The following PARP4 variants were observed in gnomAD, a reference collection of about 807,000 sequenced individuals.
PARP4 encodes the protein poly(ADP-ribose) polymerase family member 4.
Under a neutral mutation model 187.7 loss-of-function variants are expected in PARP4, and 120 were observed. The observed-to-expected ratio is 0.64, with a 90% CI of 0.55 to 0.74. The LOEUF is 0.74. Ranked by LOEUF, PARP4 falls within the 30% of genes least tolerant of loss-of-function variation. The probability of loss-of-function intolerance (pLI) is 0.00; values close to 1 mark genes in which losing one functional copy is unlikely to be tolerated. For missense variants in PARP4, 1,836 were observed against 2,070.5 expected (o/e 0.89, Z 2.20); for synonymous variants, 654 against 740.9 (o/e 0.88, Z 1.90).
At chr13:24,477,551 T>C (rs1873047646) in intron 14 of PARP4, 150 bp downstream of exon 14, 2 of 543,758 alleles carry the variant, frequency 3.7e-6, no homozygotes, top group Admixed American at 7.9e-5. Flanking sequence ...GAGAAATTTG[T>C]GGGAAACAAT....
intron 1 of PARP4, among the ~76,000 whole-genome samples, chr13:24,506,981 A>C (rs1869735112): frequency 6.6e-6 from 1 of 152,188 alleles, no homozygotes; most frequent in South Asian, 2.1e-4. Flanking sequence ...TCCACGAGAA[A>C]TCTAGCACAG....
At chr13:24,451,769 C>T (rs1028790681) in intron 24 of PARP4, among the ~76,000 whole-genome samples, 1 of 152,226 alleles carries the variant, frequency 6.6e-6, no homozygotes, top group Non-Finnish European at 1.5e-5. Flanking sequence ...GTTTTCCTTA[C>T]ACATACACCG....
rs564884701 is a variant in PARP4 at position 24,423,446 on chromosome 13, G to A, written c.4980-2132C>T. Among the ~76,000 whole-genome samples the A allele has an allele frequency of 3.1e-4, 47 of 152,008 alleles. 2 individuals are homozygous for A. In the South Asian group the frequency reaches 9.8e-3, roughly 32 times the overall value. On this transcript the variant is annotated intron_variant, in intron 33 of 33. Coordinates refer to ENST00000381989, the MANE Select transcript of PARP4 (RefSeq NM_006437.4). Reference sequence around the variant, plus strand: ...CTCAGGAGGCTGAGGCACGAGAATTGCTTGAAACTGGGAGGTGGAGGTTGC... The same window carrying A: ...CTCAGGAGGCTGAGGCACGAGAATTACTTGAAACTGGGAGGTGGAGGTTGC...
chr13:24,459,239 C>T, intron 19 of PARP4, 25 bp downstream of exon 19: 1 of 1,589,256 alleles, frequency 6.3e-7, no homozygotes, highest in Non-Finnish European at 8.6e-7. Flanking sequence ...ATTGAATTGA[C>T]AGGTTTTATA....
intron 5 of PARP4, among the ~76,000 whole-genome samples, chr13:24,498,610 T>C (rs1422941203): frequency 2.0e-5 from 3 of 152,164 alleles, no homozygotes; most frequent in African/African-American, 7.2e-5. Context: ...ATATATATTT[T>C]AGAGACAGGT....
intron 9 of PARP4, among the ~76,000 whole-genome samples, chr13:24,491,908 C>T (rs1237878846): frequency 6.6e-6 from 1 of 152,206 alleles, no homozygotes; most frequent in Non-Finnish European, 1.5e-5. Context: ...GATGGGATGC[C>T]ATGAACTACT....
intron 17 of PARP4, among the ~76,000 whole-genome samples, chr13:24,464,915 C>A (rs2137491002): frequency 6.6e-6 from 1 of 151,828 alleles, no homozygotes; most frequent in East Asian, 1.9e-4. Flanking sequence ...GTCTAATATC[C>A]AGAATCTACA....
intron 30 of PARP4, among the ~76,000 whole-genome samples, chr13:24,441,375 T>C (rs1870916960): frequency 6.6e-6 from 1 of 152,108 alleles, no homozygotes; most frequent in Non-Finnish European, 1.5e-5. Context: ...GTCAGCACTG[T>C]GTTGTTCCTT....
chr13:24,452,123 C>A (rs537949101), intron 24 of PARP4: 8 of 326,252 alleles, frequency 2.5e-5, no homozygotes, highest in Admixed American at 1.9e-4. Flanking sequence ...TGTATGAGCT[C>A]ATTTATTCCT....
Position 24,452,453 on chromosome 13 carries a change from G to C in PARP4, c.2967C>G (p.Leu989=), listed in dbSNP as rs140281241. 36 of 1,614,004 alleles carry C rather than the reference G, an allele frequency of 2.2e-5. No individual in the cohort carries two copies. The East Asian group carries it at 2.5e-4, about 11-fold the overall frequency. Residue 989 remains leucine, a synonymous_variant, in exon 24 of 34, where the codon CTC becomes CTG. Transcript: ENST00000381989. ...HLQDESLTLQ[L]VKRSRPHTRL... ...TGGTGTGCGGGCGGCTCCTCTTCACGAGCTGTAATGTCAGGCTCTCATCCT... is the reference window on the plus strand; with the variant it reads ...TGGTGTGCGGGCGGCTCCTCTTCACCAGCTGTAATGTCAGGCTCTCATCCT...
At chr13:24,426,221 C>T (rs955768032) in intron 33 of PARP4, among the ~76,000 whole-genome samples, 2 of 152,134 alleles carry the variant, frequency 1.3e-5, no homozygotes, top group African/African-American at 4.8e-5. Flanking sequence ...AGCCCAGAAG[C>T]GCCAGCCTCC....
chr13:24,464,121 T>G (rs1036927744), intron 17 of PARP4, among the ~76,000 whole-genome samples: 1 of 152,028 alleles, frequency 6.6e-6, no homozygotes, highest in Non-Finnish European at 1.5e-5. Flanking sequence ...AGGAGAACTA[T>G]AAACCACTGC....
chr13:24,487,246 A>G (rs1349101003), intron 10 of PARP4, among the ~76,000 whole-genome samples: 1 of 143,080 alleles, frequency 7.0e-6, no homozygotes, highest in African/African-American at 2.5e-5. Context: ...GCCACAGAGC[A>G]AGGCTCCGTC....
intron 24 of PARP4, 182 bp downstream of exon 24, chr13:24,452,224 T>C: frequency 1.8e-6 from 1 of 570,802 alleles, no homozygotes; most frequent in Non-Finnish European, 3.1e-6. Context: ...GCTAAGCTAA[T>C]GAGTGGCCAA....
intron 1 of PARP4, among the ~76,000 whole-genome samples, chr13:24,509,799 C>T (rs932225686): frequency 3.9e-5 from 6 of 151,990 alleles, no homozygotes; most frequent in Non-Finnish European, 7.4e-5. Flanking sequence ...CTCCCAGGTT[C>T]AAGTAATTCT....
chr13:24,467,633 C>A (rs1178263874), intron 17 of PARP4, among the ~76,000 whole-genome samples: 2 of 152,042 alleles, frequency 1.3e-5, no homozygotes, highest in Admixed American at 1.3e-4. Context: ...TGCATGAATA[C>A]CATATATTAT....
Position 24,447,006 on chromosome 13 carries a change from GTCT to G in PARP4, c.3285+7_3285+9del, listed in dbSNP as rs78060735. ...CTTCCCATAGAATAACAAACTCTGC[GTCT>G]TCTTACCTGTGTGCAGTGAGGAATG... is the stretch of plus-strand genomic sequence containing the variant. On this transcript the variant is annotated splice_region_variant and intron_variant, in intron 26 of 33. Transcript: ENST00000381989. 0.92 allele frequency: 1,439,615 copies of G among 1,563,098 alleles called. 669,612 individuals are homozygous for G. The highest frequency in any genetic ancestry group is 0.98 in the East Asian group (42,947 of 44,028).
chr13:24,503,579 A>C, intron 2 of PARP4, 66 bp downstream of exon 2: 1 of 1,565,124 alleles, frequency 6.4e-7, no homozygotes, highest in Admixed American at 1.7e-5. Context: ...TCCTCTTCTA[A>C]CCATGACCCT....
chr13:24,492,492 T>C lies in PARP4; in HGVS notation c.982A>G (p.Ile328Val), dbSNP rs778242173. The change falls in exon 9 of 34, where the codon ATA becomes GTA. Residue 328 changes from isoleucine to valine, a missense_variant. Physicochemically the swap from Ile to Val is conservative, Grantham distance 29. This residue lies in a region of PARP4 where 1,147 missense variants were observed against 1,214.2 expected (regional missense o/e 0.94). Transcript: ENST00000381989. ...TTGGGCATTGTGCCTTTGTGAGGTATCAGTCTGTAAAACTCTGTCATCATC... is the reference window on the plus strand; with the variant it reads ...TTGGGCATTGTGCCTTTGTGAGGTACCAGTCTGTAAAACTCTGTCATCATC... ...QKMMTEFYRL[I>V]PHKGTMPKEV... 6.2e-7 allele frequency: 1 copy of C among 1,614,072 alleles called. No homozygotes were observed. The highest frequency in any genetic ancestry group is 8.5e-7 in the Non-Finnish European group (1 of 1,179,928).
Sources: gnomAD v4.1 joint callset for allele counts (sites outside exome capture counted in the v4.1 genomes callset) on GRCh38, gnomAD v4.1.1 for gene constraint, gnomAD v4.1.1 regional missense constraint, MANE v1.5 for transcripts, NCBI Gene and HGNC (gene_info 2026-07-23, HGNC 2026-07-21) for gene names.